Variants in RPH3AL observed in about 807,000 individuals in gnomAD.
RPH3AL encodes the protein rabphilin 3A like (without C2 domains), also known as rab effector Noc2.
RPH3AL carries 38 observed loss-of-function variants against 43.1 expected under a neutral mutation model. The observed-to-expected ratio is 0.88, with a 90% CI of 0.68 to 1.15. RPH3AL has a LOEUF of 1.15. Ranked by LOEUF, RPH3AL falls within the 50% of genes most tolerant of loss-of-function variation. RPH3AL has a pLI of 0.00. For missense variants in RPH3AL, 462 were observed against 423.2 expected, an observed-to-expected ratio of 1.09 and a Z score of -0.81; for synonymous variants, 189 against 176.3, an observed-to-expected ratio of 1.07 and a Z score of -0.57.
In RPH3AL at chr17:333,499, G is replaced by A; in HGVS notation, c.-37+260C>T. 1 of 345,258 alleles carries A rather than the reference G, an allele frequency of 2.9e-6. No individual in the cohort carries two copies. The highest frequency in any genetic ancestry group is 5.6e-6 in the Non-Finnish European group (1 of 177,398). The allele number at this position is 345,258 out of a possible 1,614,324, so 21.4% of individuals were successfully genotyped here. On this transcript the variant is annotated intron_variant, in intron 2 of 9. Transcript: ENST00000331302. The surrounding 1 kb of genome is among the most constrained non-coding windows in gnomAD (Gnocchi z 4.5). ...TGGGTTCTTACTATATATGCTGCTT[G>A]CTGGTTTTTTAAACCACCTTGTGCT...
intron 6 of RPH3AL, among the ~76,000 whole-genome samples, chr17:279,175 C>G (rs541867340): frequency 1.3e-5 from 2 of 152,262 alleles, no homozygotes; most frequent in African/African-American, 4.8e-5. Flanking sequence ...TATGATTAGA[C>G]ATTTTTCTAA....
intron 5 of RPH3AL, among the ~76,000 whole-genome samples, chr17:316,652 G>C (rs796487931): frequency 0.11 from 597 of 5,494 alleles, no homozygotes; most frequent in Admixed American, 0.13. Flanking sequence ...GACCTGCAGT[G>C]CCTGTGCTCC....
intron 6 of RPH3AL, among the ~76,000 whole-genome samples, chr17:278,621 A>C (rs572364843): frequency 6.0e-4 from 91 of 152,148 alleles, no homozygotes; most frequent in Middle Eastern, 3.4e-3. Flanking sequence ...TCTTATCCCC[A>C]TATAAACCAG....
intron 6 of RPH3AL, among the ~76,000 whole-genome samples, chr17:266,204 G>A (rs7224800): frequency 4.6e-3 from 451 of 98,516 alleles, no homozygotes; most frequent in African/African-American, 0.021. Context: ...GGCCCCAGTG[G>A]TGTGTGTGTG....
chr17:213,926 T>C lies in RPH3AL; in HGVS notation c.877-3A>G, dbSNP rs1484875049. On this transcript the variant is annotated splice_polypyrimidine_tract_variant and splice_region_variant and intron_variant, in intron 9 of 9. Coordinates refer to ENST00000331302, the MANE Select transcript of RPH3AL (RefSeq NM_006987.4). ...GCTCGTCCAGGTGTGTCTTTTACCT[T>C]TGGATGAGAGAAAAGGCCACCACAT... is the stretch of plus-strand genomic sequence containing the variant. 1.2e-6 allele frequency: 2 copies of C among 1,611,656 alleles called. No individual in the cohort carries two copies. Among genetic ancestry groups the C allele is most frequent in the Admixed American group, 1.7e-5 (1 of 59,762 alleles).
chr17:221,557 C>G (rs368459434), intron 7 of RPH3AL, among the ~76,000 whole-genome samples: 13 of 81,496 alleles, frequency 1.6e-4, no homozygotes, highest in African/African-American at 7.1e-4. Context: ...CCTCCACTCA[C>G]TGAGACAATA....
Position 215,603 on chromosome 17 carries a change from G to C in RPH3AL, c.876+51C>G, listed in dbSNP as rs2040777685. 1 of 1,251,740 alleles carries C rather than the reference G, an allele frequency of 8.0e-7. No individual in the cohort carries two copies. The highest frequency in any genetic ancestry group is 1.5e-5 in the African/African-American group (1 of 64,536). The allele number at this position is 1,251,740 out of a possible 1,614,324, so 77.5% of individuals were successfully genotyped here. ...AGTTTGGGAGGAGTGAGTGAGAGAG[G>C]ACACGGCCGCGGGGGCAGGAGAGGG... is the stretch of plus-strand genomic sequence containing the variant. On this transcript the variant is annotated intron_variant, in intron 9 of 9. Transcript: ENST00000331302. This position sits in a 1 kb window ranked among gnomAD's most constrained non-coding sequence, Gnocchi z 4.1.
chr17:234,848 C>G (rs966630478), intron 7 of RPH3AL, among the ~76,000 whole-genome samples: 1 of 152,204 alleles, frequency 6.6e-6, no homozygotes, highest in African/African-American at 2.4e-5. Context: ...ATGCAAATCT[C>G]TCAGGGACAG....
intron 5 of RPH3AL, among the ~76,000 whole-genome samples, chr17:294,568 G>GATGCTGCA (rs2043125733): frequency 1.3e-5 from 2 of 148,182 alleles, no homozygotes; most frequent in East Asian, 2.0e-4. Flanking sequence ...GAGGGACAGA[G>GATGCTGCA]GAGCTGCAGA....
chr17:291,614 T>C (rs2043050754), intron 5 of RPH3AL, among the ~76,000 whole-genome samples: 1 of 152,184 alleles, frequency 6.6e-6, no homozygotes, highest in Non-Finnish European at 1.5e-5. Flanking sequence ...CCTCCACGTG[T>C]GTGTTTCATG....
At chr17:307,349 G>A (rs1219047959) in intron 5 of RPH3AL, among the ~76,000 whole-genome samples, 2 of 144,446 alleles carry the variant, frequency 1.4e-5, no homozygotes, top group African/African-American at 5.2e-5. Flanking sequence ...TCCTCCCCGC[G>A]GCAGGTCCAT....
chr17:301,838 C>G (rs563724093), intron 5 of RPH3AL, among the ~76,000 whole-genome samples: 1 of 152,168 alleles, frequency 6.6e-6, no homozygotes, highest in Admixed American at 6.5e-5. Context: ...GCTGTGTCAT[C>G]GAGAGGGAGT....
intron 5 of RPH3AL, among the ~76,000 whole-genome samples, chr17:294,479 G>A (rs2043122646): frequency 6.6e-6 from 1 of 152,192 alleles, no homozygotes; most frequent in South Asian, 2.1e-4. Flanking sequence ...CAACCTGAGT[G>A]GACACAGCAT....
chr17:268,560 T>G (rs2042377472), intron 6 of RPH3AL, among the ~76,000 whole-genome samples: 1 of 130,986 alleles, frequency 7.6e-6, no homozygotes, highest in South Asian at 2.6e-4. Flanking sequence ...TGGGTTTTTT[T>G]TTTTTTTTTT....
In RPH3AL at chr17:289,116, A is replaced by AC. The variant is rs1283166667; in HGVS notation, c.352-7263dup. Reference sequence around the variant, plus strand: ...GTGTGCCGTTTAGAGGTGAACTTGGACTCGGTACTCGCCTTCTGAGCCTCA... The same window carrying AC: ...GTGTGCCGTTTAGAGGTGAACTTGGACCTCGGTACTCGCCTTCTGAGCCTCA... On this transcript the variant is annotated intron_variant, in intron 5 of 9. Coordinates refer to ENST00000331302, the MANE Select transcript of RPH3AL (RefSeq NM_006987.4). This position sits in a 1 kb window ranked among gnomAD's most constrained non-coding sequence, Gnocchi z 5.2. Among the ~76,000 whole-genome samples the AC allele has an allele frequency of 6.6e-6, 1 of 151,906 alleles. No homozygotes were observed. The highest frequency in any genetic ancestry group is 2.4e-5 in the African/African-American group (1 of 41,354).
intron 6 of RPH3AL, among the ~76,000 whole-genome samples, chr17:252,232 C>T (rs1296134208): frequency 6.6e-6 from 1 of 152,154 alleles, no homozygotes; most frequent in Non-Finnish European, 1.5e-5. Flanking sequence ...ACCTCTGCCT[C>T]CCAAAGTGCT....
intron 5 of RPH3AL, among the ~76,000 whole-genome samples, chr17:318,187 AG>A (rs2044353929): frequency 6.6e-6 from 1 of 152,154 alleles, no homozygotes; most frequent in Admixed American, 6.5e-5. Flanking sequence ...GTTCAAGACC[AG>A]CCTGGCCAAC....
At position 328,376 on chromosome 17, in the gene RPH3AL, G is replaced by A. The variant is rs1472851900; in HGVS notation, c.-36-797C>T. Among the ~76,000 whole-genome samples the A allele has an allele frequency of 6.6e-6, 1 of 151,968 alleles. No individual in the cohort carries two copies. The highest frequency in any genetic ancestry group is 2.1e-4 in the South Asian group (1 of 4,806). On this transcript the variant is annotated intron_variant, in intron 2 of 9. Coordinates refer to ENST00000331302, the MANE Select transcript of RPH3AL (RefSeq NM_006987.4). The surrounding 1 kb of genome is among the most constrained non-coding windows in gnomAD (Gnocchi z 4.2). The stretch of plus-strand genomic sequence containing the variant: ...GGTATCTGAATCCCAGAGCAAGGAG[G>A]AGGGGCTCTCCTGAGCCATCCACAC...
chr17:216,772 T>C (rs62057051), intron 8 of RPH3AL, among the ~76,000 whole-genome samples: 26,855 of 152,154 alleles, frequency 0.18, 3,210 homozygotes, highest in Non-Finnish European at 0.26. Context: ...TATTGGCCAC[T>C]TAGAAAACTG....
Sources: gnomAD v4.1 joint callset for allele counts (sites outside exome capture counted in the v4.1 genomes callset) on GRCh38, gnomAD v4.1.1 for gene constraint, Gnocchi (gnomAD v3.1) non-coding constraint, MANE v1.5 for transcripts, NCBI Gene and HGNC (gene_info 2026-07-23, HGNC 2026-07-21) for gene names.